MYBL2: variants seen among roughly 807,000 people sequenced by gnomAD.
The protein encoded by MYBL2 is MYB proto-oncogene like 2.
MYBL2 carries 28 observed loss-of-function variants against 79.9 expected under a neutral mutation model. That is an observed-to-expected ratio of 0.35 (90% CI 0.26 to 0.48). The LOEUF (loss-of-function observed/expected upper bound fraction) is 0.48, where lower values mean the gene tolerates loss of function less well. Ranked by LOEUF, MYBL2 falls within the 20% of genes least tolerant of loss-of-function variation. MYBL2 has a pLI of 0.99. For synonymous variants in MYBL2, 378 were observed against 361.2 expected, an observed-to-expected ratio of 1.05 and a Z score of -0.53; for missense variants, 735 against 893.9, an observed-to-expected ratio of 0.82 and a Z score of 2.27.
At chr20:43,714,635 A>G (rs1987986671) in intron 12 of MYBL2, among the ~76,000 whole-genome samples, 1 of 151,770 alleles carries the variant, frequency 6.6e-6, no homozygotes, top group South Asian at 2.1e-4. Flanking sequence ...TTCTTTGCTT[A>G]ATTTTTTTTT....
At chr20:43,694,541 C>A (rs1392782746) in intron 6 of MYBL2, among the ~76,000 whole-genome samples, 1 of 152,092 alleles carries the variant, frequency 6.6e-6, no homozygotes, top group African/African-American at 2.4e-5. Context: ...TTGACAGTTA[C>A]AATTCTTCCA....
chr20:43,694,626 G>A (rs555220606), intron 6 of MYBL2, among the ~76,000 whole-genome samples: 3 of 152,098 alleles, frequency 2.0e-5, no homozygotes, highest in Non-Finnish European at 4.4e-5. Context: ...AATATCTCTC[G>A]ATTGCCCAAT....
intron 3 of MYBL2, 53 bp from the exon 4 acceptor site, chr20:43,682,741 C>G: frequency 6.4e-7 from 1 of 1,573,034 alleles, no homozygotes; most frequent in Non-Finnish European, 8.7e-7. Flanking sequence ...GGCCCCCAGC[C>G]CGAGGTCCCA....
chr20:43,690,393 A>G (rs1344944541), intron 5 of MYBL2, among the ~76,000 whole-genome samples: 1 of 151,922 alleles, frequency 6.6e-6, no homozygotes, highest in East Asian at 1.9e-4. Flanking sequence ...TTTGGTAGAG[A>G]CGGGATTTCA....
chr20:43,698,661 A>ATTT (rs1188859456), intron 6 of MYBL2, among the ~76,000 whole-genome samples: 1 of 115,918 alleles, frequency 8.6e-6, no homozygotes, highest in Non-Finnish European at 1.8e-5. Flanking sequence ...TACAGGCGTG[A>ATTT]TTTTTTTTTT....
chr20:43,702,654 C>T lies in MYBL2; in HGVS notation c.1116C>T (p.Arg372=), dbSNP rs1332297655. 2.5e-6 allele frequency: 4 copies of T among 1,613,978 alleles called. No homozygotes were observed. The highest frequency in any genetic ancestry group is 1.1e-5 in the South Asian group (1 of 91,090). The change falls in exon 8 of 14, where the codon CGC becomes CGT. Residue 372 remains arginine, a synonymous_variant. Coordinates refer to ENST00000217026, the MANE Select transcript of MYBL2 (RefSeq NM_002466.4). ...SALVPSVTEY[R]LDGHTISDLS... ...TGGTGCCCAGTGTGACCGAGTACCGCCTGGATGGCCACACCATCTCAGACC... is the reference window on the plus strand; with the variant it reads ...TGGTGCCCAGTGTGACCGAGTACCGTCTGGATGGCCACACCATCTCAGACC...
chr20:43,711,457 C>T, intron 10 of MYBL2, 31 bp from the exon 11 acceptor site: 1 of 1,569,586 alleles, frequency 6.4e-7, no homozygotes, highest in Non-Finnish European at 8.7e-7. Context: ...AGTGTGGTGC[C>T]TCACGTGGGC....
intron 1 of MYBL2, among the ~76,000 whole-genome samples, chr20:43,669,730 A>G (rs1986813998): frequency 6.6e-6 from 1 of 152,192 alleles, no homozygotes; most frequent in South Asian, 2.1e-4. Flanking sequence ...GCATCTGTTA[A>G]GGGGGATAAT....
In MYBL2 at chr20:43,687,088, G is replaced by C; in HGVS notation, c.500+16G>C. The C allele has an allele frequency of 6.2e-7, 1 of 1,610,378 alleles. No homozygotes were observed. Among genetic ancestry groups the C allele is most frequent in the African/African-American group, 1.3e-5 (1 of 74,954 alleles). ...TGCCAGGGAGGTAAGCTGTCTTCTT[G>C]GGGGTTGGGACAGGTTCCCGGGAGG... On this transcript the variant is annotated intron_variant, in intron 5 of 13. Transcript: ENST00000217026.
At chr20:43,688,929 A>G (rs1407943125) in intron 5 of MYBL2, among the ~76,000 whole-genome samples, 1 of 152,128 alleles carries the variant, frequency 6.6e-6, no homozygotes, top group Non-Finnish European at 1.5e-5. Context: ...AGCTGGGATT[A>G]TAGGCGCCCG....
rs545699860 is a variant in MYBL2, at chr20:43,692,209, G to C, written c.553G>C (p.Asp185His). The change falls in exon 6 of 14, where the codon GAC becomes CAC. Residue 185 changes from aspartate (D) to histidine (H), a missense_variant. This residue lies in a region of MYBL2 where 144 missense variants were observed against 131.9 expected (regional missense o/e 1.09). Coordinates refer to ENST00000217026, the MANE Select transcript of MYBL2 (RefSeq NM_002466.4). ...HWNSTIKRKVDTGGFLSESKD... is the reference protein window; with the variant it reads ...HWNSTIKRKVHTGGFLSESKD... The stretch of plus-strand genomic sequence containing the variant: ...GAACTCTACCATCAAAAGGAAGGTG[G>C]ACACAGGAGGCTTCTTGAGCGAGTC... The C allele has an allele frequency of 2.5e-5, 41 of 1,614,064 alleles. No homozygotes were observed. The highest frequency in any genetic ancestry group is 3.3e-5 in the Non-Finnish European group (39 of 1,180,042).
rs143160945 is a variant in MYBL2, at chr20:43,691,639, A to G, written c.501-518A>G. Among the ~76,000 whole-genome samples, 448 of 151,646 alleles carry G rather than the reference A, an allele frequency of 3.0e-3. 1 individual carries two copies. Among genetic ancestry groups the G allele is most frequent in the South Asian group, 7.7e-3 (37 of 4,796 alleles). ...ACCACAACCTCTACCTCCTGGGTTC[A>G]AGCGATTCTCCTTCCTCAGACTCCC... On this transcript the variant is annotated intron_variant, in intron 5 of 13. Transcript: ENST00000217026.
At chr20:43,692,734 G>A (rs1987442771) in intron 6 of MYBL2, among the ~76,000 whole-genome samples, 1 of 152,090 alleles carries the variant, frequency 6.6e-6, no homozygotes, top group South Asian at 2.1e-4. Flanking sequence ...AGGAGTTGGA[G>A]GCCAGTTCAG....
Position 43,699,757 on chromosome 20 carries a change from G to A in MYBL2, c.664G>A (p.Gly222Arg). The A allele has an allele frequency of 1.9e-6, 3 of 1,613,948 alleles. No homozygotes were observed. The highest frequency in any genetic ancestry group is 2.5e-6 in the Non-Finnish European group (3 of 1,179,970). ...LQSAQPTEGQ[G>R]SLLTNWPSVP... is the part of the protein sequence containing the mutation. ...AATGGTGTATTCTTGTGTCTTACAG[G>A]GAAGTCTTCTGACCAACTGGCCCTC... The change falls in exon 7 of 14, where the codon GGA becomes AGA. Residue 222 changes from glycine (G) to arginine (R), a missense_variant and splice_region_variant. Coordinates refer to ENST00000217026, the MANE Select transcript of MYBL2 (RefSeq NM_002466.4).
Position 43,667,301 on chromosome 20 carries a change from C to T in MYBL2, c.18C>T (p.Arg6=), listed in dbSNP as rs1291638119. The change falls in exon 1 of 14, where the codon CGC becomes CGT. Residue 6 remains arginine, a splice_region_variant and synonymous_variant. Coordinates refer to ENST00000217026, the MANE Select transcript of MYBL2 (RefSeq NM_002466.4). The stretch of plus-strand genomic sequence containing the variant: ...CCGGGGGGATGTCTCGGCGGACGCG[C>T]TGGTGAGACGAGCCGGGAGGGCTTG... MSRRT[R]CEDLDELHYQ... The T allele has an allele frequency of 4.5e-5, 55 of 1,229,450 alleles. No homozygotes were observed. 76.2% of individuals were successfully genotyped at this position (1,229,450 alleles called of 1,614,324 possible).
chr20:43,699,590 G>A (rs6017145), intron 6 of MYBL2, among the ~76,000 whole-genome samples, 167 bp from the exon 7 acceptor site: 4,602 of 152,244 alleles, frequency 0.03, 241 homozygotes, highest in African/African-American at 0.1. Flanking sequence ...GTGTCATGAT[G>A]TTGACATTTT....
Position 43,710,030 on chromosome 20 carries a change from G to A in MYBL2, c.1573G>A (p.Ala525Thr), listed in dbSNP as rs1306621160. 4.3e-6 allele frequency: 7 copies of A among 1,609,592 alleles called. No individual in the cohort carries two copies. The highest frequency in any genetic ancestry group is 1.6e-4 in the Middle Eastern group (1 of 6,082). The change falls in exon 10 of 14, where the codon GCC (alanine) becomes ACC (threonine). Residue 525 changes from alanine (A) to threonine (T), a missense_variant. Ala to Thr is a moderately conservative substitution (Grantham distance 58, BLOSUM62 0). This residue lies in a region of MYBL2 where 243 missense variants were observed against 327.2 expected (regional missense o/e 0.74). Coordinates refer to ENST00000217026, the MANE Select transcript of MYBL2 (RefSeq NM_002466.4). ...CCACACGCCAACCCCGTTCAAGAAC[G>A]CCCTGGAGAAGTACGGACCCCTGAA... ...TPHTPTPFKN[A>T]LEKYGPLKPL...
At chr20:43,671,929 G>A (rs1986868714) in intron 1 of MYBL2, among the ~76,000 whole-genome samples, 2 of 151,914 alleles carry the variant, frequency 1.3e-5, no homozygotes, top group African/African-American at 4.8e-5. Flanking sequence ...TGTACACTGG[G>A]CCGGGCGCGG....
chr20:43,680,400 G>A (rs953909373), intron 2 of MYBL2, among the ~76,000 whole-genome samples: 6 of 152,190 alleles, frequency 3.9e-5, no homozygotes, highest in African/African-American at 1.4e-4. Context: ...ATTTGACTTA[G>A]CATAGTGTCC....
Sources: allele counts gnomAD v4.1 joint callset (sites outside exome capture counted in the v4.1 genomes callset), GRCh38; gene constraint gnomAD v4.1.1; regional missense constraint gnomAD v4.1.1; transcripts MANE v1.5; gene names NCBI Gene and HGNC (gene_info 2026-07-23, HGNC 2026-07-21).